ABCA4: variants seen among roughly 807,000 people sequenced by gnomAD.
ABCA4 encodes the protein ATP binding cassette subfamily A member 4.
Under a neutral mutation model 263.7 loss-of-function variants are expected in ABCA4, and 196 were observed. The observed-to-expected ratio is 0.74, with a 90% confidence interval of 0.66 to 0.84. The LOEUF (loss-of-function observed/expected upper bound fraction) is 0.84. ABCA4 is among the 40% of genes least tolerant of loss of function. The pLI, the probability that ABCA4 is intolerant of heterozygous loss-of-function variation, is 0.00. For missense variants in ABCA4, 2,792 were observed against 2,855.1 expected, an observed-to-expected ratio of 0.98 and a Z score of 0.50; for synonymous variants, 1,133 against 1,094.2, an observed-to-expected ratio of 1.04 and a Z score of -0.70.
intron 6 of ABCA4, among the ~76,000 whole-genome samples, chr1:94,091,175 T>G (rs186952257): frequency 2.6e-5 from 4 of 152,202 alleles, no homozygotes; most frequent in Non-Finnish European, 5.9e-5. Context: ...ATACCCTTTT[T>G]TCCATCTTGT....
intron 26 of ABCA4, among the ~76,000 whole-genome samples, chr1:94,035,219 C>T (rs1187797997): frequency 1.3e-5 from 2 of 152,206 alleles, no homozygotes; most frequent in African/African-American, 2.4e-5. Flanking sequence ...GGCCCTAACT[C>T]TTGAATCCAG....
chr1:94,065,073 A>C (rs552076220), intron 11 of ABCA4, among the ~76,000 whole-genome samples: 1 of 152,120 alleles, frequency 6.6e-6, no homozygotes, highest in East Asian at 1.9e-4. Context: ...AAAGTATCTT[A>C]TTTTTTTGAG....
chr1:94,043,577 T>A (rs1042166125), intron 20 of ABCA4, 102 bp from the exon 21 acceptor site: 1 of 1,475,362 alleles, frequency 6.8e-7, no homozygotes, highest in South Asian at 1.2e-5. Context: ...GATTTGGCAA[T>A]CAAGATGCTC....
In ABCA4 at chr1:94,020,648, G is replaced by C. The variant is rs373881753; in HGVS notation, c.5018+592C>G. Among the ~76,000 whole-genome samples, 15 of 152,326 alleles carry C rather than the reference G, an allele frequency of 9.8e-5. 1 individual carries two copies. Among genetic ancestry groups the C allele is most frequent in the Admixed American group, 5.9e-4 (9 of 15,296 alleles). ...GCATGTTCACTGGCACTCAGCGTGTGCTAGGATAGTAAAATCAGGACCCCA... is the reference window on the plus strand; with the variant it reads ...GCATGTTCACTGGCACTCAGCGTGTCCTAGGATAGTAAAATCAGGACCCCA... On this transcript the variant is annotated intron_variant, in intron 35 of 49. Coordinates refer to ENST00000370225, the MANE Select transcript of ABCA4 (RefSeq NM_000350.3).
At chr1:94,105,672 G>A (rs1003768351) in intron 4 of ABCA4, among the ~76,000 whole-genome samples, 16 of 152,058 alleles carry the variant, frequency 1.1e-4, no homozygotes, top group African/African-American at 3.4e-4. Flanking sequence ...GGGAAGCCAG[G>A]AGAATGTAGG....
intron 30 of ABCA4, among the ~76,000 whole-genome samples, chr1:94,028,616 G>A (rs1285721681): frequency 2.0e-5 from 3 of 152,178 alleles, no homozygotes; most frequent in African/African-American, 7.2e-5. Flanking sequence ...TTAATTTAAA[G>A]TAACTTTAGG....
At position 93,998,744 on chromosome 1, in the gene ABCA4, T is replaced by TTTATTTTATG. The variant is rs1553186215; in HGVS notation, c.6480-635_6480-634insCATAAAATAA. Among the ~76,000 whole-genome samples, 692 of 148,560 alleles carry TTTATTTTATG rather than the reference T, an allele frequency of 4.7e-3. 7 individuals are homozygous for TTTATTTTATG. Among genetic ancestry groups the TTTATTTTATG allele is most frequent in the African/African-American group, 0.016 (651 of 39,724 alleles). On this transcript the variant is annotated intron_variant, in intron 47 of 49. Coordinates refer to ENST00000370225, the MANE Select transcript of ABCA4 (RefSeq NM_000350.3). ...TTTATTTTATTTTATTTTATTTTAT[T>TTTATTTTATG]TTATTTTATTTTATTTGAGACAGTC...
At chr1:94,062,508 G>T in intron 13 of ABCA4, 69 bp downstream of exon 13, 1 of 811,776 alleles carries the variant, frequency 1.2e-6, no homozygotes, top group Non-Finnish European at 2.0e-6. Flanking sequence ...GGCACCCCCA[G>T]CCCACCCCAG....
chr1:94,011,188 G>C, intron 39 of ABCA4, 74 bp downstream of exon 39: 1 of 1,610,404 alleles, frequency 6.2e-7, no homozygotes, highest in Non-Finnish European at 8.5e-7. Context: ...ACAGTCTGAT[G>C]CAGGAGCCCC....
chr1:94,005,500 G>A lies in ABCA4; in HGVS notation c.6088C>T (p.Arg2030Ter), dbSNP rs61751383. The A allele has an allele frequency of 1.4e-5, 23 of 1,614,096 alleles. No homozygotes were observed. The highest frequency in any genetic ancestry group is 1.6e-4 in the Middle Eastern group (1 of 6,062). ...FDAIDELLTG[R>*]EHLYLYARLR... ...CGGGCATAAAGGTAAAGATGTTCTC[G>A]TCCTGTGAGCAGCTCATCAATTGCA... The change falls in exon 44 of 50, where the codon CGA becomes TGA. Residue 2030 changes from arginine to a stop codon, truncating the protein, a stop_gained. Coordinates refer to ENST00000370225, the MANE Select transcript of ABCA4 (RefSeq NM_000350.3). LOFTEE classifies it high-confidence loss of function.
intron 38 of ABCA4, 82 bp downstream of exon 38, chr1:94,014,461 T>C (rs565109791): frequency 9.9e-6 from 15 of 1,512,074 alleles, no homozygotes; most frequent in African/African-American, 1.4e-5. Flanking sequence ...ACATGTACGA[T>C]GCTTGCCCCT....
chr1:94,044,882 G>T, intron 19 of ABCA4, 138 bp from the exon 20 acceptor site: 2 of 1,366,136 alleles, frequency 1.5e-6, no homozygotes, highest in Non-Finnish European at 2.1e-6. Context: ...ACCCCTATTA[G>T]CTGTGGGGCC....
At position 94,014,701 on chromosome 1, in the gene ABCA4, TGAGACAACTCA is replaced by T; in HGVS notation, c.5313-22_5313-12del. The T allele has an allele frequency of 1.2e-6, 2 of 1,614,004 alleles. No homozygotes were observed. The highest frequency in any genetic ancestry group is 1.7e-6 in the Non-Finnish European group (2 of 1,179,946). ...GGAATGACCGCCCATCTGTGTGAAA[TGAGACAACTCA>T]GAGTGATGGAGTTCCACATTCCATT... On this transcript the variant is annotated splice_polypyrimidine_tract_variant and intron_variant, in intron 37 of 49. Coordinates refer to ENST00000370225, the MANE Select transcript of ABCA4 (RefSeq NM_000350.3).
Position 94,079,379 on chromosome 1 carries a change from C to T in ABCA4, c.1182G>A (p.Leu394=), listed in dbSNP as rs776039338. The change falls in exon 9 of 50, where the codon CTG becomes CTA. Residue 394 remains leucine, a synonymous_variant. Transcript: ENST00000370225. ...CAGGAGTGTACAGGATTTTTCCCAT[C>T]AGCAAAGGCTTTGCCGCCCTCCAAG... ...KIAWRAAKPL[L]MGKILYTPDS... is the part of the protein sequence containing the mutation. 3 of 1,614,172 alleles carry T rather than the reference C, an allele frequency of 1.9e-6. No homozygotes were observed. The highest frequency in any genetic ancestry group is 1.3e-5 in the African/African-American group (1 of 75,022).
chr1:94,120,914 C>A, intron 1 of ABCA4, 66 bp downstream of exon 1: 1 of 1,289,876 alleles, frequency 7.8e-7, no homozygotes, highest in Non-Finnish European at 1.1e-6. Flanking sequence ...CACCACCCCA[C>A]CCCACACTTC....
chr1:94,002,571 C>A (rs989779580), intron 44 of ABCA4, among the ~76,000 whole-genome samples: 2 of 152,182 alleles, frequency 1.3e-5, no homozygotes, highest in African/African-American at 2.4e-5. Context: ...GACAGAGACA[C>A]CAGGTGTGTG....
In ABCA4 at chr1:94,040,076, C is replaced by T. The variant is rs770363333; in HGVS notation, c.3574G>A (p.Val1192Ile). 1.9e-6 allele frequency: 3 copies of T among 1,609,716 alleles called. No individual in the cohort carries two copies. Among genetic ancestry groups the T allele is most frequent in the South Asian group, 1.1e-5 (1 of 89,850 alleles). Residue 1192 changes from valine (V) to isoleucine (I), a missense_variant, in exon 24 of 50, where the codon GTC becomes ATC. Physicochemically the swap from Val to Ile is conservative, Grantham distance 29. Coordinates refer to ENST00000370225, the MANE Select transcript of ABCA4 (RefSeq NM_000350.3). ...ACTTGTTCTGGAGTTAGGTCATCGA[C>T]GTGGGCTGGACACGTGGTGGAGAAA... is the stretch of plus-strand genomic sequence containing the variant. ...KGFSTTCPAH[V>I]DDLTPEQVLD...
intron 11 of ABCA4, among the ~76,000 whole-genome samples, chr1:94,071,594 A>G (rs953156056): frequency 2.0e-5 from 3 of 152,214 alleles, no homozygotes; most frequent in African/African-American, 7.2e-5. Flanking sequence ...ATAAAATGAC[A>G]ATTATGCTTA....
At chr1:94,070,287 T>C (rs1360074477) in intron 11 of ABCA4, among the ~76,000 whole-genome samples, 1 of 152,144 alleles carries the variant, frequency 6.6e-6, no homozygotes, top group Non-Finnish European at 1.5e-5. Flanking sequence ...TCACAGAGCC[T>C]ATTGGTGCAA....
Sources: allele counts gnomAD v4.1 joint callset (sites outside exome capture counted in the v4.1 genomes callset), GRCh38; gene constraint gnomAD v4.1.1; transcripts MANE v1.5; gene names NCBI Gene and HGNC (gene_info 2026-07-23, HGNC 2026-07-21).